Variants in WDFY2 observed in about 807,000 individuals in gnomAD.
The protein encoded by WDFY2 is WD repeat and FYVE domain-containing protein 2.
WDFY2 carries 36 observed loss-of-function variants against 56.4 expected under a neutral mutation model. The ratio of observed to expected loss-of-function variants is 0.64; its 90% CI spans 0.49 to 0.84. WDFY2 has a LOEUF of 0.84. Ranked by LOEUF, WDFY2 falls within the 40% of genes least tolerant of loss-of-function variation. The probability of loss-of-function intolerance (pLI) is 0.00; values close to 1 mark genes in which losing one functional copy is unlikely to be tolerated. For synonymous variants in WDFY2, 176 were observed against 183.7 expected, an observed-to-expected ratio of 0.96 and a Z score of 0.34; for missense variants, 444 against 512.2, an observed-to-expected ratio of 0.87 and a Z score of 1.29.
At chr13:51,636,241 G>A (rs1235372510) in intron 1 of WDFY2, among the ~76,000 whole-genome samples, 1 of 152,168 alleles carries the variant, frequency 6.6e-6, no homozygotes, top group Non-Finnish European at 1.5e-5. Context: ...CATATTTGCA[G>A]TTCACACACT....
At chr13:51,732,280 G>A (rs898117496) in intron 6 of WDFY2, among the ~76,000 whole-genome samples, 1 of 151,912 alleles carries the variant, frequency 6.6e-6, no homozygotes, top group Admixed American at 6.6e-5. Context: ...ACAGGTGCCC[G>A]CCACCATGGC....
At chr13:51,627,862 AC>A (rs1593899238) in intron 1 of WDFY2, among the ~76,000 whole-genome samples, 2 of 152,140 alleles carry the variant, frequency 1.3e-5, no homozygotes, top group African/African-American at 4.8e-5. Context: ...GAGGAGACCC[AC>A]AGTGGGTAGC....
chr13:51,718,509 T>C (rs1952410871), intron 4 of WDFY2, among the ~76,000 whole-genome samples: 1 of 151,948 alleles, frequency 6.6e-6, no homozygotes, highest in African/African-American at 2.4e-5. Flanking sequence ...TGTGATCATA[T>C]TGCTCTTGTT....
rs776224490 is a variant in WDFY2 at position 51,755,104 on chromosome 13, C to G, written c.832-254C>G. On this transcript the variant is annotated intron_variant, in intron 8 of 11. Transcript: ENST00000298125. ...TGCTTCTCCCTCTTGGGCCTTCACACACTTATGCTTATGTAAATAATTATT... is the reference window on the plus strand; with the variant it reads ...TGCTTCTCCCTCTTGGGCCTTCACAGACTTATGCTTATGTAAATAATTATT... Among the ~76,000 whole-genome samples, 4 of 152,166 alleles carry G rather than the reference C, an allele frequency of 2.6e-5. No individual in the cohort carries two copies. In the South Asian group the frequency reaches 8.3e-4, roughly 32 times the overall value.
chr13:51,673,242 A>C (rs1955834455), intron 2 of WDFY2, among the ~76,000 whole-genome samples: 1 of 152,222 alleles, frequency 6.6e-6, no homozygotes, highest in Non-Finnish European at 1.5e-5. Context: ...AAGTATTTTA[A>C]ATCACATTCA....
At chr13:51,588,685 C>G (rs1953989518) in intron 1 of WDFY2, 1 of 151,994 alleles carries the variant, frequency 6.6e-6, no homozygotes, top group African/African-American at 2.4e-5. Context: ...AAGAAAACTC[C>G]CATTCATTAA....
At chr13:51,701,032 A>C (rs534996349) in intron 3 of WDFY2, among the ~76,000 whole-genome samples, 3 of 152,192 alleles carry the variant, frequency 2.0e-5, no homozygotes, top group Non-Finnish European at 4.4e-5. Flanking sequence ...ATGAGTATGT[A>C]CTCATGTGGA....
chr13:51,712,448 A>G (rs759541721), intron 4 of WDFY2, among the ~76,000 whole-genome samples: 1 of 152,160 alleles, frequency 6.6e-6, no homozygotes, highest in African/African-American at 2.4e-5. Flanking sequence ...ATAATAATAA[A>G]AAAAATGAAA....
chr13:51,611,931 A>G (rs1954511251), intron 1 of WDFY2, among the ~76,000 whole-genome samples: 1 of 152,296 alleles, frequency 6.6e-6, no homozygotes, highest in Middle Eastern at 3.4e-3. Context: ...ACATAAGGAA[A>G]GGTAGCCTGA....
At chr13:51,715,562 C>T (rs187375373) in intron 4 of WDFY2, among the ~76,000 whole-genome samples, 45 of 152,248 alleles carry the variant, frequency 3.0e-4, no homozygotes, top group Admixed American at 1.3e-3. Flanking sequence ...CCTCTGGATA[C>T]TTCCTGCAGG....
At chr13:51,713,060 C>T (rs2138611294) in intron 4 of WDFY2, among the ~76,000 whole-genome samples, 1 of 152,188 alleles carries the variant, frequency 6.6e-6, no homozygotes, top group East Asian at 1.9e-4. Flanking sequence ...AAGGAAGAGG[C>T]AATGCAAGCT....
At chr13:51,676,824 A>G (rs1468453707) in intron 3 of WDFY2, among the ~76,000 whole-genome samples, 4 of 152,216 alleles carry the variant, frequency 2.6e-5, no homozygotes, top group Non-Finnish European at 5.9e-5. Context: ...TTTATTTTTA[A>G]AAGATAAAGG....
chr13:51,651,656 C>T (rs954054243), intron 1 of WDFY2, among the ~76,000 whole-genome samples: 3 of 152,110 alleles, frequency 2.0e-5, no homozygotes, highest in South Asian at 2.1e-4. Flanking sequence ...TTTATTTCTG[C>T]CTTGATTTTG....
At chr13:51,614,393 T>C (rs1954569235) in intron 1 of WDFY2, among the ~76,000 whole-genome samples, 1 of 152,192 alleles carries the variant, frequency 6.6e-6, no homozygotes, top group African/African-American at 2.4e-5. Flanking sequence ...TCATTCACAA[T>C]GTCTTAAACA....
At chr13:51,614,627 C>T (rs561075661) in intron 1 of WDFY2, among the ~76,000 whole-genome samples, 67 of 152,270 alleles carry the variant, frequency 4.4e-4, no homozygotes, top group African/African-American at 1.4e-3. Context: ...GCAAAAGGCA[C>T]GTACCAGCTG....
intron 1 of WDFY2, among the ~76,000 whole-genome samples, chr13:51,616,298 C>A (rs560873137): frequency 6.6e-6 from 1 of 152,154 alleles, no homozygotes; most frequent in Admixed American, 6.5e-5. Flanking sequence ...ATTCAGATAG[C>A]GATTTTTATG....
At chr13:51,695,587 C>T (rs1951851640) in intron 3 of WDFY2, among the ~76,000 whole-genome samples, 1 of 152,184 alleles carries the variant, frequency 6.6e-6, no homozygotes, top group Non-Finnish European at 1.5e-5. Context: ...TGTCAGTCTG[C>T]CCCTACTGGG....
intron 1 of WDFY2, among the ~76,000 whole-genome samples, chr13:51,641,134 A>G (rs745716380): frequency 6.6e-6 from 1 of 151,822 alleles, no homozygotes; most frequent in African/African-American, 2.4e-5. Flanking sequence ...GTGCAGTGGT[A>G]TGATCTCGGC....
chr13:51,711,448 T>G (rs1384445914), intron 4 of WDFY2, among the ~76,000 whole-genome samples: 2 of 152,112 alleles, frequency 1.3e-5, no homozygotes, highest in African/African-American at 4.8e-5. Context: ...TGGGATCTAA[T>G]TAAACTAAAG....
Sources: gnomAD v4.1 joint callset for allele counts (sites outside exome capture counted in the v4.1 genomes callset) on GRCh38, gnomAD v4.1.1 for gene constraint, MANE v1.5 for transcripts, NCBI Gene and HGNC (gene_info 2026-07-23, HGNC 2026-07-21) for gene names.